Variants in NRXN1 observed in about 807,000 individuals in gnomAD.
NRXN1 encodes neurexin-1.
Under a neutral mutation model 150.9 loss-of-function variants are expected in NRXN1, and 39 were observed. That is an observed-to-expected ratio of 0.26 (90% CI 0.20 to 0.34). The LOEUF is 0.34. NRXN1 is among the 10% of genes least tolerant of loss of function. NRXN1 has a pLI of 1.00. For missense variants in NRXN1, 1,815 were observed against 1,949.9 expected, an observed-to-expected ratio of 0.93 and a Z score of 1.30; for synonymous variants, 924 against 757.0, an observed-to-expected ratio of 1.22 and a Z score of -3.62.
rs1339608983 is a variant in NRXN1, at chr2:51,027,797, G to T, written c.477C>A (p.Pro159=). The T allele has an allele frequency of 6.2e-7, 1 of 1,612,958 alleles. No homozygotes were observed. The highest frequency in any genetic ancestry group is 8.5e-7 in the Non-Finnish European group (1 of 1,179,588). The change falls in exon 2 of 23, where the codon CCC becomes CCA. Residue 159 remains proline, a synonymous_variant. Coordinates refer to ENST00000401669, the MANE Select transcript of NRXN1 (RefSeq NM_001330078.2). ...VFSGLFVGGL[P]PELRAAALKL... ...TGAGCGCCGCGGCGCGCAGTTCCGG[G>T]GGCAGCCCCCCGACGAAAAGGCCGC...
At chr2:50,504,174 G>C (rs2092104777) in intron 13 of NRXN1, among the ~76,000 whole-genome samples, 1 of 144,698 alleles carries the variant, frequency 6.9e-6, no homozygotes, top group Non-Finnish European at 1.5e-5. Context: ...GCTGGCCCTA[G>C]ACTGCGCACT....
chr2:50,568,427 G>A (rs1041154337), intron 8 of NRXN1, among the ~76,000 whole-genome samples: 2 of 152,060 alleles, frequency 1.3e-5, no homozygotes, highest in Admixed American at 6.6e-5. Context: ...ACATGCAGAA[G>A]TCCAAACAAC....
At chr2:50,515,090 C>G (rs538195184) in intron 12 of NRXN1, among the ~76,000 whole-genome samples, 2 of 152,274 alleles carry the variant, frequency 1.3e-5, no homozygotes, top group South Asian at 4.1e-4. Context: ...TATTTACAGC[C>G]GCTCTCCATT....
intron 21 of NRXN1, among the ~76,000 whole-genome samples, chr2:49,988,140 A>G (rs916251150): frequency 2.0e-4 from 30 of 152,140 alleles, no homozygotes; most frequent in African/African-American, 7.0e-4. Context: ...GTTGGGAAAT[A>G]TATATTAAAG....
chr2:50,703,468 A>G (rs1694034333), intron 5 of NRXN1, among the ~76,000 whole-genome samples: 1 of 152,104 alleles, frequency 6.6e-6, no homozygotes, highest in Admixed American at 6.6e-5. Context: ...AGAAGAAGGA[A>G]AGGTAAAGAT....
intron 19 of NRXN1, among the ~76,000 whole-genome samples, chr2:50,078,102 C>T (rs994404762): frequency 6.6e-6 from 1 of 151,630 alleles, no homozygotes; most frequent in Non-Finnish European, 1.5e-5. Context: ...AAGGTTTTTA[C>T]ATTTATTTTG....
intron 18 of NRXN1, among the ~76,000 whole-genome samples, chr2:50,169,485 A>T (rs1255946361): frequency 6.6e-6 from 1 of 151,942 alleles, no homozygotes; most frequent in Non-Finnish European, 1.5e-5. Flanking sequence ...GAGGCCAAGG[A>T]GGGCGGATTA....
At chr2:50,292,943 A>G (rs940790660) in intron 17 of NRXN1, among the ~76,000 whole-genome samples, 3 of 152,212 alleles carry the variant, frequency 2.0e-5, no homozygotes, top group Admixed American at 6.6e-5. Flanking sequence ...TGGCGACCTC[A>G]ATAAATATTA....
At chr2:49,953,319 G>T (rs1294025902) in intron 21 of NRXN1, among the ~76,000 whole-genome samples, 1 of 152,100 alleles carries the variant, frequency 6.6e-6, no homozygotes, top group Non-Finnish European at 1.5e-5. Context: ...CTCTATGCTT[G>T]TATCTATCCA....
At chr2:50,930,733 T>C (rs999520583) in intron 2 of NRXN1, among the ~76,000 whole-genome samples, 1 of 152,182 alleles carries the variant, frequency 6.6e-6, no homozygotes, top group South Asian at 2.1e-4. Context: ...GTCTACAGTA[T>C]GTGTGCTCAC....
chr2:50,674,134 A>G (rs1260274308), intron 5 of NRXN1, among the ~76,000 whole-genome samples: 2 of 152,174 alleles, frequency 1.3e-5, no homozygotes, highest in African/African-American at 4.8e-5. Context: ...ATAATGTGTA[A>G]TAACAGCCTT....
intron 17 of NRXN1, among the ~76,000 whole-genome samples, chr2:50,377,189 C>T (rs1239750162): frequency 6.6e-6 from 1 of 152,068 alleles, no homozygotes; most frequent in Non-Finnish European, 1.5e-5. Flanking sequence ...CACCTATCAA[C>T]CCATCACCTA....
chr2:50,329,101 T>G (rs186833362), intron 17 of NRXN1, among the ~76,000 whole-genome samples: 93 of 152,064 alleles, frequency 6.1e-4, no homozygotes, highest in African/African-American at 2.0e-3. Flanking sequence ...TAAACATTAA[T>G]AGCACCATAA....
At chr2:50,329,141 G>C (rs1235404358) in intron 17 of NRXN1, among the ~76,000 whole-genome samples, 6 of 151,826 alleles carry the variant, frequency 4.0e-5, no homozygotes, top group African/African-American at 1.2e-4. Context: ...AATTAACTGA[G>C]AAAAAAATGT....
intron 15 of NRXN1, among the ~76,000 whole-genome samples, chr2:50,490,616 C>T (rs771350297): frequency 3.3e-5 from 5 of 152,118 alleles, no homozygotes; most frequent in East Asian, 1.9e-4. Context: ...TAGGTGTAAG[C>T]CACGAGACAG....
intron 5 of NRXN1, among the ~76,000 whole-genome samples, chr2:50,859,443 T>G (rs1301671654): frequency 6.6e-6 from 1 of 151,976 alleles, no homozygotes; most frequent in Non-Finnish European, 1.5e-5. Context: ...CTAGGAGAAG[T>G]AAGGAATTCT....
intron 5 of NRXN1, among the ~76,000 whole-genome samples, chr2:50,647,315 C>T (rs1684968222): frequency 6.6e-6 from 1 of 151,860 alleles, no homozygotes; most frequent in Non-Finnish European, 1.5e-5. Flanking sequence ...GGCATAAAAT[C>T]TTTAACATTA....
At chr2:49,963,844 A>C (rs1676434955) in intron 21 of NRXN1, among the ~76,000 whole-genome samples, 1 of 152,212 alleles carries the variant, frequency 6.6e-6, no homozygotes, top group Non-Finnish European at 1.5e-5. Flanking sequence ...ACTATCAGTA[A>C]ATTTTAAATA....
chr2:50,456,873 C>T (rs2104576522), intron 17 of NRXN1, among the ~76,000 whole-genome samples: 1 of 152,178 alleles, frequency 6.6e-6, no homozygotes, highest in East Asian at 1.9e-4. Context: ...GCCTCAACAA[C>T]TGTATAAAGA....
Sources: allele counts gnomAD v4.1 joint callset (sites outside exome capture counted in the v4.1 genomes callset), GRCh38; gene constraint gnomAD v4.1.1; transcripts MANE v1.5; gene names NCBI Gene and HGNC (gene_info 2026-07-23, HGNC 2026-07-21).